The following PPIE variants were observed in gnomAD, a reference collection of about 807,000 sequenced individuals.
The protein encoded by PPIE is peptidylprolyl isomerase E.
PPIE carries 20 observed loss-of-function variants against 38.4 expected under a neutral mutation model. The observed-to-expected ratio is 0.52, with a 90% confidence interval of 0.37 to 0.76. The LOEUF (loss-of-function observed/expected upper bound fraction) is 0.76. Ranked by LOEUF, PPIE falls within the 30% of genes least tolerant of loss-of-function variation. The pLI, the probability that PPIE is intolerant of heterozygous loss-of-function variation, is 0.00. For missense variants in PPIE, 322 were observed against 385.8 expected, an observed-to-expected ratio of 0.83 and a Z score of 1.39; for synonymous variants, 142 against 135.7, an observed-to-expected ratio of 1.05 and a Z score of -0.32.
intron 7 of PPIE, chr1:39,747,616 C>A (rs1224565311): frequency 6.6e-6 from 1 of 152,062 alleles, no homozygotes; most frequent in African/African-American, 2.4e-5. Flanking sequence ...GCGTCTGCCA[C>A]CATGCCCAGC....
intron 9 of PPIE, 44 bp from the exon 10 acceptor site, chr1:39,753,243 G>A: frequency 6.2e-7 from 1 of 1,610,576 alleles, no homozygotes. Flanking sequence ...CTAAACCACT[G>A]TTAGTCTCCG....
downstream of PPIE, chr1:39,760,508 C>T (rs754815102): frequency 1.3e-5 from 21 of 1,614,032 alleles, no homozygotes; most frequent in South Asian, 6.6e-5. Flanking sequence ...ACAGAGGTGG[C>T]GCTCAGCTTG....
chr1:39,763,037 C>T (rs1265228056), intron 9 of PPIE: 8 of 1,590,998 alleles, frequency 5.0e-6, no homozygotes, highest in East Asian at 4.5e-5. Context: ...GACCAGACCC[C>T]TCTCCACAGG....
chr1:39,740,355 A>C, intron 2 of PPIE, 92 bp downstream of exon 2: 1 of 1,005,872 alleles, frequency 9.9e-7, no homozygotes, highest in East Asian at 2.6e-5. Flanking sequence ...ATGCATTCTA[A>C]ATATGGTTAG....
chr1:39,740,642 A>G (rs1647034491), intron 2 of PPIE, among the ~76,000 whole-genome samples: 1 of 152,166 alleles, frequency 6.6e-6, no homozygotes, highest in Non-Finnish European at 1.5e-5. Flanking sequence ...GCCTAGCCCC[A>G]TAATGGGGGT....
chr1:39,762,744 TCA>T (rs988288148), intron 9 of PPIE: 4 of 1,392,166 alleles, frequency 2.9e-6, no homozygotes, highest in Non-Finnish European at 3.8e-6. Context: ...TGTGCTAAGA[TCA>T]CACAGCCCCC....
At position 39,753,570 on chromosome 1, in the gene PPIE, G is replaced by T. The variant is rs992923359; in HGVS notation, c.*215G>T. Reference sequence around the variant, plus strand: ...TGTGGGCCCAGGAGCCAGCTCAGGTGCTCCCCTCCACCATGGGCAGGCTGT... The same window carrying T: ...TGTGGGCCCAGGAGCCAGCTCAGGTTCTCCCCTCCACCATGGGCAGGCTGT... On this transcript the variant is annotated 3_prime_UTR_variant, in exon 10 of 10. Coordinates refer to ENST00000324379, the MANE Select transcript of PPIE (RefSeq NM_006112.4). 6.7e-5 allele frequency: 93 copies of T among 1,385,766 alleles called. No homozygotes were observed. The highest frequency in any genetic ancestry group is 8.5e-5 in the Non-Finnish European group (91 of 1,075,582). The allele number at this position is 1,385,766 out of a possible 1,614,324, so 85.8% of individuals were successfully genotyped here.
At chr1:39,759,000 G>C (rs3893452), downstream of PPIE, 6 of 152,428 alleles carry the variant, frequency 3.9e-5, no homozygotes, top group Admixed American at 2.0e-4. Flanking sequence ...CCACTCTGCC[G>C]GGCTGTGCCT....
At chr1:39,762,654 G>T (rs1557470726) in intron 9 of PPIE, 1 of 1,538,532 alleles carries the variant, frequency 6.5e-7, no homozygotes, top group Non-Finnish European at 8.8e-7. Context: ...CGGCACAGGT[G>T]GGTGAGTGCA....
At chr1:39,752,383 T>G (rs752153967) in intron 8 of PPIE, among the ~76,000 whole-genome samples, 12 of 152,220 alleles carry the variant, frequency 7.9e-5, no homozygotes, top group Admixed American at 2.6e-4. Flanking sequence ...TCCTCTTCCC[T>G]GTTTCAATAA....
At chr1:39,759,143 C>G (rs1648611404), downstream of PPIE, 1 of 152,270 alleles carries the variant, frequency 6.6e-6, no homozygotes, top group South Asian at 2.1e-4. Context: ...AGTGGCTGCT[C>G]CAAGGAGAAC....
Position 39,755,117 on chromosome 1 carries a change from A to G in PPIE, c.*1762A>G. ...TGGCTTCTCTCCACTCCCCCTCCAG[A>G]TGCTGGTCAGCCAGGCGGTTATAAA... is the stretch of plus-strand genomic sequence containing the variant. On this transcript the variant is annotated 3_prime_UTR_variant, in exon 10 of 10. Transcript: ENST00000324379. 1 of 985,430 alleles carries G rather than the reference A, an allele frequency of 1.0e-6. No homozygotes were observed. The highest frequency in any genetic ancestry group is 4.7e-5 in the South Asian group (1 of 21,290). The allele number at this position is 985,430 out of a possible 1,614,324, so 61.0% of individuals were successfully genotyped here. A position where few individuals can be genotyped will look rare whatever the true frequency, so the allele number is the denominator to read the frequency against.
chr1:39,745,793 AT>A (rs1647188048), intron 7 of PPIE: 1 of 264,142 alleles, frequency 3.8e-6, no homozygotes, highest in African/African-American at 2.2e-5. Context: ...AAGACAATAA[AT>A]TGAAAATTCA....
chr1:39,741,701 A>G (rs540414834), intron 3 of PPIE, 194 bp from the exon 4 acceptor site: 13 of 648,582 alleles, frequency 2.0e-5, no homozygotes, highest in Non-Finnish European at 5.3e-6. Flanking sequence ...TTGTGCCTTC[A>G]ACTAGATGGC....
At position 39,755,242 on chromosome 1, in the gene PPIE, C is replaced by T. The variant is rs910920266; in HGVS notation, c.*1887C>T. The stretch of plus-strand genomic sequence containing the variant: ...CTCAGACCATTCAGAATCCACTGAG[C>T]TGAGCTTTTGCATCTTGGATTGAGA... On this transcript the variant is annotated 3_prime_UTR_variant, in exon 10 of 10. Transcript: ENST00000324379. The T allele has an allele frequency of 1.0e-6, 1 of 985,360 alleles. No individual in the cohort carries two copies. The highest frequency in any genetic ancestry group is 1.7e-5 in the African/African-American group (1 of 57,248). 61.0% of individuals were successfully genotyped at this position (985,360 alleles called of 1,614,324 possible). A position where few individuals can be genotyped will look rare whatever the true frequency, so the allele number is the denominator to read the frequency against.
chr1:39,745,372 T>A lies in PPIE; in HGVS notation c.385-3T>A. On this transcript the variant is annotated splice_polypyrimidine_tract_variant and splice_region_variant and intron_variant, in intron 6 of 9. Transcript: ENST00000324379. ...TCTAACTAGCAATTTCTTCTGCACC[T>A]AGGGAGAGCCCATTGCTAAAAAGGC... 6.2e-7 allele frequency: 1 copy of A among 1,614,156 alleles called. No homozygotes were observed. The highest frequency in any genetic ancestry group is 8.5e-7 in the Non-Finnish European group (1 of 1,180,030).
In PPIE at chr1:39,755,566, A is replaced by C; in HGVS notation, c.*2211A>C. 1.0e-6 allele frequency: 1 copy of C among 985,420 alleles called. No homozygotes were observed. The highest frequency in any genetic ancestry group is 1.2e-6 in the Non-Finnish European group (1 of 829,924). The allele number at this position is 985,420 out of a possible 1,614,324, so 61.0% of individuals were successfully genotyped here. Reference sequence around the variant, plus strand: ...ACAGGTGTTAGGCAGGCATCTATGAAGCTGGGGATGATAGCACTGACTTCA... The same window carrying C: ...ACAGGTGTTAGGCAGGCATCTATGACGCTGGGGATGATAGCACTGACTTCA... On this transcript the variant is annotated 3_prime_UTR_variant, in exon 10 of 10. Transcript: ENST00000324379.
chr1:39,742,424 T>TA (rs763469501), intron 4 of PPIE: 1 of 152,344 alleles, frequency 6.6e-6, no homozygotes, highest in Non-Finnish European at 1.5e-5. Context: ...AGTGCAAAGA[T>TA]ACCATACTGT....
chr1:39,740,412 C>G (rs1052883255), intron 2 of PPIE, 149 bp downstream of exon 2: 5 of 614,948 alleles, frequency 8.1e-6, no homozygotes, highest in Non-Finnish European at 2.8e-6. Context: ...ACAGTGATCT[C>G]GATGGAGAAG....
Sources: gnomAD v4.1 joint callset for allele counts (sites outside exome capture counted in the v4.1 genomes callset) on GRCh38, gnomAD v4.1.1 for gene constraint, MANE v1.5 for transcripts, NCBI Gene and HGNC (gene_info 2026-07-23, HGNC 2026-07-21) for gene names.